The following GNG4 variants were observed in gnomAD, a reference collection of about 807,000 sequenced individuals.
GNG4 encodes the protein G protein subunit gamma 4, also known as guanine nucleotide-binding protein G(I)/G(S)/G(O) subunit gamma-4.
GNG4 carries 4 observed loss-of-function variants against 5.8 expected under a neutral mutation model. The observed-to-expected ratio is 0.69, with a 90% CI of 0.34 to 1.57. The LOEUF is 1.57. GNG4 is among the 40% of genes most tolerant of loss of function. GNG4 has a pLI of 0.06. For synonymous variants in GNG4, 29 were observed against 32.9 expected, an observed-to-expected ratio of 0.88 and a Z score of 0.41; for missense variants, 96 against 95.1, an observed-to-expected ratio of 1.01 and a Z score of -0.04.
intron 3 of GNG4, among the ~76,000 whole-genome samples, chr1:235,557,876 A>G (rs1686959602): frequency 6.6e-6 from 1 of 152,158 alleles, no homozygotes; most frequent in Admixed American, 6.5e-5. Flanking sequence ...CAGTGTCTGC[A>G]ACACCCTAAC....
intron 2 of GNG4, among the ~76,000 whole-genome samples, chr1:235,591,314 T>G (rs1687956254): frequency 6.6e-6 from 1 of 152,130 alleles, no homozygotes; most frequent in Non-Finnish European, 1.5e-5. Flanking sequence ...CCCTGGGTGA[T>G]CCTAACCTTG....
chr1:235,646,851 AC>A (rs1657524299), intron 1 of GNG4, among the ~76,000 whole-genome samples: 2 of 152,110 alleles, frequency 1.3e-5, no homozygotes, highest in Non-Finnish European at 2.9e-5. Flanking sequence ...CTTTTTAAGC[AC>A]CCATTGTTTT....
intron 2 of GNG4, among the ~76,000 whole-genome samples, chr1:235,587,434 G>A (rs72632297): frequency 0.12 from 4,625 of 38,656 alleles, 956 homozygotes; most frequent in East Asian, 0.63. Context: ...GTGTGTGAGG[G>A]TGGGTGAGCG....
chr1:235,587,238 A>G (rs72761723), intron 2 of GNG4, among the ~76,000 whole-genome samples: 1,760 of 115,704 alleles, frequency 0.015, 75 homozygotes, highest in African/African-American at 0.063. Flanking sequence ...TGAGTGTGTG[A>G]GGTGGGGTGT....
At chr1:235,578,719 A>C (rs1031086488) in intron 3 of GNG4, among the ~76,000 whole-genome samples, 1 of 152,214 alleles carries the variant, frequency 6.6e-6, no homozygotes, top group African/African-American at 2.4e-5. Flanking sequence ...AGTGTAAAAA[A>C]GTCAAATTTA....
At chr1:235,597,613 TG>T (rs1558491427) in intron 1 of GNG4, among the ~76,000 whole-genome samples, 3 of 110,056 alleles carry the variant, frequency 2.7e-5, no homozygotes, top group Admixed American at 8.2e-5. Flanking sequence ...TGTGTGTGTG[TG>T]TGTGTGTGTG....
chr1:235,610,811 G>C (rs543556584), intron 1 of GNG4, among the ~76,000 whole-genome samples: 1 of 152,192 alleles, frequency 6.6e-6, no homozygotes, highest in Non-Finnish European at 1.5e-5. Flanking sequence ...GAGGCTGGGC[G>C]TGGTGGCTCA....
At chr1:235,630,769 T>C (rs1311301344) in intron 1 of GNG4, among the ~76,000 whole-genome samples, 3 of 152,160 alleles carry the variant, frequency 2.0e-5, no homozygotes, top group South Asian at 2.1e-4. Flanking sequence ...AAATAATCAA[T>C]TGGGTGGCCA....
At chr1:235,628,311 T>C (rs1688859965) in intron 1 of GNG4, among the ~76,000 whole-genome samples, 1 of 150,992 alleles carries the variant, frequency 6.6e-6, no homozygotes, top group Admixed American at 6.6e-5. Context: ...CGGAGGAAAA[T>C]GTCTTGGCCA....
rs1446152043 is a variant in GNG4, at chr1:235,648,969, C to A, written c.-123+693G>T. ...CTGTCCTCCTCCCCACTTCACCCTC[C>A]CGCCGTTTCGCGTTATTTCCAAGGC... On this transcript the variant is annotated intron_variant, in intron 1 of 3. Transcript: ENST00000391854. This position sits in a 1 kb window ranked among gnomAD's most constrained non-coding sequence, Gnocchi z 5.0. Among the ~76,000 whole-genome samples the A allele has an allele frequency of 6.6e-6, 1 of 152,250 alleles. No homozygotes were observed. Among genetic ancestry groups the A allele is most frequent in the African/African-American group, 2.4e-5 (1 of 41,472 alleles).
At position 235,551,991 on chromosome 1, in the gene GNG4, G is replaced by A. The variant is rs1686761959; in HGVS notation, c.*118C>T. The A allele has an allele frequency of 8.0e-6, 6 of 747,778 alleles. No homozygotes were observed. The highest frequency in any genetic ancestry group is 1.3e-5 in the Non-Finnish European group (6 of 448,950). 46.3% of individuals were successfully genotyped at this position (747,778 alleles called of 1,614,324 possible). ...AGATGGAAACATAAGACAAGCCCCG[G>A]CCACTGTTGGCTGGGCAGGGATGGG... On this transcript the variant is annotated 3_prime_UTR_variant, in exon 4 of 4. Coordinates refer to ENST00000391854, the MANE Select transcript of GNG4 (RefSeq NM_001098722.2).
In GNG4 at chr1:235,600,100, C is replaced by CTTTTTTTTTTTTTTTTTTTT. The variant is rs533853180; in HGVS notation, c.-122-4609_-122-4590dup. Among the ~76,000 whole-genome samples the CTTTTTTTTTTTTTTTTTTTT allele has an allele frequency of 2.0e-3, 87 of 43,138 alleles. 27 individuals carry two copies. The highest frequency in any genetic ancestry group is 3.2e-3 in the Non-Finnish European group (79 of 24,362). The allele number at this position is 43,138 out of a possible 152,430, so 28.3% of individuals were successfully genotyped here. A position where few individuals can be genotyped will look rare whatever the true frequency, so the allele number is the denominator to read the frequency against. ...TCCTTTATCTGGTTGCGGAAGAAAG[C>CTTTTTTTTTTTTTTTTTTTT]TTTTTTTTTTTTTTTTTTTTTTTTT... On this transcript the variant is annotated intron_variant, in intron 1 of 3. Coordinates refer to ENST00000391854, the MANE Select transcript of GNG4 (RefSeq NM_001098722.2).
At chr1:235,593,580 G>A (rs905378359) in intron 2 of GNG4, among the ~76,000 whole-genome samples, 1 of 152,206 alleles carries the variant, frequency 6.6e-6, no homozygotes, top group South Asian at 2.1e-4. Context: ...GCGGACCCGC[G>A]CCGTGAGTGT....
intron 1 of GNG4, among the ~76,000 whole-genome samples, chr1:235,602,518 C>T (rs186411129): frequency 3.5e-4 from 53 of 152,284 alleles, no homozygotes; most frequent in Non-Finnish European, 5.4e-4. Flanking sequence ...CGTGTTTCTG[C>T]GTCTCTTGGT....
intron 2 of GNG4, among the ~76,000 whole-genome samples, chr1:235,592,431 C>T (rs1457090259): frequency 6.6e-6 from 1 of 152,106 alleles, no homozygotes; most frequent in Non-Finnish European, 1.5e-5. Context: ...ATTGCTTGAA[C>T]CTGTGAGGCA....
intron 2 of GNG4, among the ~76,000 whole-genome samples, chr1:235,592,196 G>A (rs577335660): frequency 1.3e-5 from 2 of 152,280 alleles, no homozygotes; most frequent in African/African-American, 4.8e-5. Context: ...AACTCTGACT[G>A]CTGCTTTTGG....
At chr1:235,593,821 G>A (rs927076407) in intron 2 of GNG4, among the ~76,000 whole-genome samples, 3 of 152,204 alleles carry the variant, frequency 2.0e-5, no homozygotes, top group East Asian at 1.9e-4. Flanking sequence ...GCAGACCTTC[G>A]TGGTGAGTGT....
intron 3 of GNG4, among the ~76,000 whole-genome samples, chr1:235,567,355 A>T (rs1044874747): frequency 6.6e-6 from 1 of 152,208 alleles, no homozygotes; most frequent in Admixed American, 6.5e-5. Flanking sequence ...ACTATTTTTA[A>T]GTATATAGTT....
intron 1 of GNG4, among the ~76,000 whole-genome samples, chr1:235,609,108 T>C (rs1475654212): frequency 6.6e-6 from 1 of 152,106 alleles, no homozygotes; most frequent in Admixed American, 6.6e-5. Context: ...GCTGGGATTG[T>C]AGGCATGAGC....
Sources: gnomAD v4.1 joint callset for allele counts (sites outside exome capture counted in the v4.1 genomes callset) on GRCh38, gnomAD v4.1.1 for gene constraint, Gnocchi (gnomAD v3.1) non-coding constraint, MANE v1.5 for transcripts, NCBI Gene and HGNC (gene_info 2026-07-23, HGNC 2026-07-21) for gene names.